The following CDH12 variants were observed in gnomAD, a reference collection of about 807,000 sequenced individuals.
The protein encoded by CDH12 is cadherin-12.
Under a neutral mutation model 74.1 loss-of-function variants are expected in CDH12, and 41 were observed. The ratio of observed to expected loss-of-function variants is 0.55; its 90% CI spans 0.43 to 0.72. The LOEUF is 0.72. Among genes scored for constraint, CDH12 ranks in the 30% least tolerant of loss-of-function variants. The pLI is 0.00. For missense variants in CDH12, 945 were observed against 977.2 expected (o/e 0.97, Z 0.44); for synonymous variants, 399 against 355.0 (o/e 1.12, Z -1.39).
intron 3 of CDH12, among the ~76,000 whole-genome samples, chr5:22,250,299 G>T (rs1483641651): frequency 6.6e-6 from 1 of 151,988 alleles, no homozygotes; most frequent in East Asian, 1.9e-4. Flanking sequence ...TGCAATTTGG[G>T]CATGGCAGGG....
At chr5:21,798,834 C>T (rs887115691) in intron 10 of CDH12, among the ~76,000 whole-genome samples, 59 of 152,126 alleles carry the variant, frequency 3.9e-4, no homozygotes, top group African/African-American at 1.4e-3. Flanking sequence ...ACTCCATCAA[C>T]GGTAATTTGT....
intron 3 of CDH12, among the ~76,000 whole-genome samples, chr5:22,278,280 T>A (rs990747033): frequency 6.6e-6 from 1 of 152,216 alleles, no homozygotes; most frequent in Non-Finnish European, 1.5e-5. Context: ...ACATTTAAGA[T>A]CTGAGGTTTG....
chr5:22,305,492 G>C (rs1403629217), intron 3 of CDH12, among the ~76,000 whole-genome samples: 1 of 152,170 alleles, frequency 6.6e-6, no homozygotes, highest in Non-Finnish European at 1.5e-5. Context: ...TGCCACGCTG[G>C]CTCCATGAAG....
At chr5:22,191,554 C>CTTTTTTTTTTTTTTTTTTTTTTT (rs869248894) in intron 4 of CDH12, among the ~76,000 whole-genome samples, 1 of 55,202 alleles carries the variant, frequency 1.8e-5, no homozygotes, top group African/African-American at 6.1e-5. Flanking sequence ...CACCAATGGT[C>CTTTTTTTTTTTTTTTTTTTTTTT]TTTTTATTTT....
intron 2 of CDH12, among the ~76,000 whole-genome samples, chr5:22,447,255 A>G (rs1744851713): frequency 6.6e-6 from 1 of 152,038 alleles, no homozygotes; most frequent in Admixed American, 6.6e-5. Flanking sequence ...ATCTTTTATT[A>G]CATTATTCTT....
rs148777871 is a variant in CDH12, at chr5:21,775,070, T to C, written c.1393+8288A>G. ...CTTTAGGAAATGTTCCAGGTGTCTCTGATGCAGGTGGCTGTGATTCACATT... is the reference window on the plus strand; with the variant it reads ...CTTTAGGAAATGTTCCAGGTGTCTCCGATGCAGGTGGCTGTGATTCACATT... On this transcript the variant is annotated intron_variant, in intron 11 of 14. Transcript: ENST00000382254. Among the ~76,000 whole-genome samples, 133 of 152,304 alleles carry C rather than the reference T, an allele frequency of 8.7e-4. 2 individuals are homozygous for C. In the East Asian group the frequency reaches 0.022, roughly 25 times the overall value.
At chr5:22,765,451 T>C (rs72748742) in intron 1 of CDH12, among the ~76,000 whole-genome samples, 40,990 of 151,616 alleles carry the variant, frequency 0.27, 6,322 homozygotes, top group South Asian at 0.36. Context: ...AAAATATCTC[T>C]CTTTTGGCCT....
intron 6 of CDH12, among the ~76,000 whole-genome samples, chr5:21,937,992 G>T (rs376728345): frequency 3.3e-5 from 5 of 152,242 alleles, no homozygotes; most frequent in Admixed American, 1.3e-4. Context: ...CCATAAAACT[G>T]CAGGAGCCTG....
chr5:21,981,464 T>C (rs969058391), intron 5 of CDH12, among the ~76,000 whole-genome samples: 4 of 152,216 alleles, frequency 2.6e-5, no homozygotes, highest in South Asian at 2.1e-4. Context: ...AAGTAGGTTG[T>C]AGATACAAAT....
chr5:22,316,829 T>C (rs1204413546), intron 3 of CDH12, among the ~76,000 whole-genome samples: 1 of 152,162 alleles, frequency 6.6e-6, no homozygotes, highest in Non-Finnish European at 1.5e-5. Flanking sequence ...AAAAAAGACA[T>C]GTCAGATGAA....
At position 22,664,944 on chromosome 5, in the gene CDH12, TTTTG is replaced by T. The variant is rs200419916; in HGVS notation, c.-522-159584_-522-159581del. Among the ~76,000 whole-genome samples, 47 of 152,264 alleles carry T rather than the reference TTTTG, an allele frequency of 3.1e-4. No individual in the cohort carries two copies. The East Asian group carries it at 8.3e-3, about 27-fold the overall frequency. On this transcript the variant is annotated intron_variant, in intron 1 of 14. Coordinates refer to ENST00000382254, the MANE Select transcript of CDH12 (RefSeq NM_004061.5). ...ATATAATTCAAATAATAGTTTTAGGTTTTGTTTGTTTATTTGTTTTATGAATGGG... is the reference window on the plus strand; with the variant it reads ...ATATAATTCAAATAATAGTTTTAGGTTTTGTTTATTTGTTTTATGAATGGG...
chr5:22,475,602 A>G (rs1197137879), intron 2 of CDH12, among the ~76,000 whole-genome samples: 1 of 152,076 alleles, frequency 6.6e-6, no homozygotes, highest in Non-Finnish European at 1.5e-5. Flanking sequence ...AGTGAAGTTA[A>G]ATCTATTACA....
chr5:22,094,425 A>C (rs1743622786), intron 4 of CDH12, among the ~76,000 whole-genome samples: 1 of 152,218 alleles, frequency 6.6e-6, no homozygotes. Context: ...AGAATTCCAG[A>C]GGGACTAAAT....
intron 1 of CDH12, among the ~76,000 whole-genome samples, chr5:22,789,267 A>T (rs1322304414): frequency 2.0e-5 from 3 of 152,096 alleles, no homozygotes; most frequent in African/African-American, 7.2e-5. Flanking sequence ...TTTTTCCACC[A>T]ATAGTATGTC....
intron 1 of CDH12, among the ~76,000 whole-genome samples, chr5:22,727,730 CT>C (rs1000301362): frequency 4.0e-5 from 6 of 150,310 alleles, no homozygotes; most frequent in African/African-American, 9.7e-5. Flanking sequence ...TCTAGGTTGA[CT>C]TTTTTTTTAA....
At chr5:21,863,104 A>C (rs989810608) in intron 6 of CDH12, among the ~76,000 whole-genome samples, 1 of 152,110 alleles carries the variant, frequency 6.6e-6, no homozygotes, top group South Asian at 2.1e-4. Flanking sequence ...AAATCATCTA[A>C]ACTCATTGAC....
At chr5:22,694,115 T>C (rs269016) in intron 1 of CDH12, among the ~76,000 whole-genome samples, 1 of 151,894 alleles carries the variant, frequency 6.6e-6, no homozygotes, top group South Asian at 2.1e-4. Flanking sequence ...ATTTTAAATT[T>C]TTTTTGTAGA....
chr5:21,790,771 T>C (rs1327000348), intron 10 of CDH12, among the ~76,000 whole-genome samples: 3 of 152,014 alleles, frequency 2.0e-5, no homozygotes, highest in Non-Finnish European at 4.4e-5. Context: ...TATTTTGTAT[T>C]ACTTCCCAGA....
chr5:22,074,458 C>CA (rs1340710731), intron 5 of CDH12, among the ~76,000 whole-genome samples: 2 of 152,048 alleles, frequency 1.3e-5, no homozygotes, highest in Non-Finnish European at 2.9e-5. Context: ...ACAAAATTGA[C>CA]AAAAGGGATC....
Sources: allele counts gnomAD v4.1 joint callset (sites outside exome capture counted in the v4.1 genomes callset), GRCh38; gene constraint gnomAD v4.1.1; transcripts MANE v1.5; gene names NCBI Gene and HGNC (gene_info 2026-07-23, HGNC 2026-07-21).